The following MDH1 variants were observed in gnomAD, a reference collection of about 807,000 sequenced individuals.
MDH1 encodes the protein malate dehydrogenase 1, also known as malate dehydrogenase, cytoplasmic.
MDH1 carries 15 observed loss-of-function variants against 38.7 expected under a neutral mutation model. That is an observed-to-expected ratio of 0.39 (90% CI 0.26 to 0.60). The LOEUF (loss-of-function observed/expected upper bound fraction) is 0.60. Ranked by LOEUF, MDH1 falls within the 20% of genes least tolerant of loss-of-function variation. The probability of loss-of-function intolerance (pLI) is 0.56; values close to 1 mark genes in which losing one functional copy is unlikely to be tolerated. For missense variants in MDH1, 368 were observed against 405.2 expected (o/e 0.91, Z 0.79); for synonymous variants, 144 against 143.6 (o/e 1.00, Z -0.02).
Position 63,607,183 on chromosome 2 carries a change from T to C in MDH1, c.*196T>C, listed in dbSNP as rs1423620907. On this transcript the variant is annotated 3_prime_UTR_variant, in exon 9 of 9. Transcript: ENST00000233114. Reference sequence around the variant, plus strand: ...TGTTAGTGTGCATTCTAAATAAATATATATTCAAATGAAAGTGACTCAGAC... The same window carrying C: ...TGTTAGTGTGCATTCTAAATAAATACATATTCAAATGAAAGTGACTCAGAC... The C allele has an allele frequency of 1.4e-5, 5 of 357,530 alleles. No homozygotes were observed. The highest frequency in any genetic ancestry group is 9.3e-5 in the Admixed American group (2 of 21,502). The allele number at this position is 357,530 out of a possible 1,614,324, so 22.1% of individuals were successfully genotyped here. A position where few individuals can be genotyped will look rare whatever the true frequency, so the allele number is the denominator to read the frequency against.
At chr2:63,602,579 T>C (rs563305349) in intron 5 of MDH1, among the ~76,000 whole-genome samples, 1 of 152,260 alleles carries the variant, frequency 6.6e-6, no homozygotes, top group East Asian at 1.9e-4. Context: ...TCTTTATGAA[T>C]GATTCTATGA....
At chr2:63,594,740 G>T in intron 2 of MDH1, 154 bp downstream of exon 2, 1 of 583,080 alleles carries the variant, frequency 1.7e-6, no homozygotes, top group Non-Finnish European at 3.0e-6. Context: ...AGCTACTAAG[G>T]TATTTATATG....
chr2:63,596,707 T>C (rs1709318638), intron 3 of MDH1, among the ~76,000 whole-genome samples: 1 of 152,226 alleles, frequency 6.6e-6, no homozygotes, highest in Admixed American at 6.5e-5. Context: ...AAATGCTGAA[T>C]GTTGGTCATA....
At chr2:63,593,507 G>A (rs1314549127) in intron 1 of MDH1, 6 of 468,752 alleles carry the variant, frequency 1.3e-5, no homozygotes, top group Admixed American at 2.4e-5. Context: ...AGAAGCCTTC[G>A]AGGCTATCCA....
chr2:63,590,902 G>A (rs1347166409), intron 1 of MDH1: 1 of 152,250 alleles, frequency 6.6e-6, no homozygotes, highest in Non-Finnish European at 1.5e-5. Context: ...ATTCAAAGCG[G>A]AGGATTCTTT....
At chr2:63,590,993 G>C (rs1361887696) in intron 1 of MDH1, 1 of 152,168 alleles carries the variant, frequency 6.6e-6, no homozygotes, top group African/African-American at 2.4e-5. Flanking sequence ...TTGTGTTATA[G>C]AAATACATGT....
chr2:63,602,447 T>TTGA (rs1410633160), intron 5 of MDH1, among the ~76,000 whole-genome samples: 1 of 149,174 alleles, frequency 6.7e-6, no homozygotes, highest in Non-Finnish European at 1.5e-5. Flanking sequence ...CCATCACCCA[T>TTGA]TGATGGTACC....
Position 63,607,049 on chromosome 2 carries a change from A to T in MDH1, c.*62A>T. Reference sequence around the variant, plus strand: ...GAATCTAAATGTCGTCTTTGACTCAAGTACCAAATAATAATAATGCTATAC... The same window carrying T: ...GAATCTAAATGTCGTCTTTGACTCATGTACCAAATAATAATAATGCTATAC... On this transcript the variant is annotated 3_prime_UTR_variant, in exon 9 of 9. Coordinates refer to ENST00000233114, the MANE Select transcript of MDH1 (RefSeq NM_005917.4). 6.8e-7 allele frequency: 1 copy of T among 1,468,344 alleles called. No homozygotes were observed. The highest frequency in any genetic ancestry group is 9.2e-7 in the Non-Finnish European group (1 of 1,081,604). The allele number at this position is 1,468,344 out of a possible 1,614,324, so 91.0% of individuals were successfully genotyped here.
In MDH1 at chr2:63,597,409, A is replaced by G. The variant is rs745335809; in HGVS notation, c.210A>G (p.Ala70=). 7.0e-7 allele frequency: 1 copy of G among 1,434,212 alleles called. No homozygotes were observed. The highest frequency in any genetic ancestry group is 2.6e-5 in the East Asian group (1 of 38,518). 88.8% of individuals were successfully genotyped at this position (1,434,212 alleles called of 1,614,324 possible). A position where few individuals can be genotyped will look rare whatever the true frequency, so the allele number is the denominator to read the frequency against. Residue 70 remains alanine (A), a synonymous_variant, in exon 4 of 9, where the codon GCA becomes GCG. Coordinates refer to ENST00000233114, the MANE Select transcript of MDH1 (RefSeq NM_005917.4). ...CALPLLKDVI[A]TDKEDVAFKD... ...TTGCCATGTCCACAGATGTCATCGC[A>G]ACAGATAAAGAAGACGTTGCCTTCA...
intron 2 of MDH1, among the ~76,000 whole-genome samples, 192 bp from the exon 3 acceptor site, chr2:63,595,231 A>G (rs1709284185): frequency 6.6e-6 from 1 of 152,138 alleles, no homozygotes; most frequent in Admixed American, 6.5e-5. Context: ...TAGCAAACCA[A>G]TGCTGGTTTT....
intron 3 of MDH1, among the ~76,000 whole-genome samples, chr2:63,596,512 G>C (rs1709314877): frequency 6.6e-6 from 1 of 152,196 alleles, no homozygotes; most frequent in Admixed American, 6.5e-5. Context: ...AAAGGGCCCA[G>C]ATTGCTGTTG....
intron 3 of MDH1, among the ~76,000 whole-genome samples, chr2:63,596,617 C>G (rs1709316382): frequency 6.6e-6 from 1 of 152,086 alleles, no homozygotes; most frequent in Non-Finnish European, 1.5e-5. Flanking sequence ...TTTTTTTTCT[C>G]CAACTGGTGT....
intron 2 of MDH1, 144 bp downstream of exon 2, chr2:63,594,730 A>T: frequency 4.8e-6 from 3 of 624,304 alleles, no homozygotes; most frequent in Non-Finnish European, 8.3e-6. Flanking sequence ...TATAAATGGA[A>T]GCTACTAAGG....
chr2:63,603,659 T>C (rs996151218), intron 5 of MDH1, among the ~76,000 whole-genome samples: 1 of 146,666 alleles, frequency 6.8e-6, no homozygotes, highest in Admixed American at 6.8e-5. Context: ...ACATTTCTTT[T>C]TTTTTTTTTT....
At chr2:63,595,576 GT>G in intron 3 of MDH1, 57 bp downstream of exon 3, 2 of 1,122,152 alleles carry the variant, frequency 1.8e-6, no homozygotes, top group Non-Finnish European at 2.7e-6. Flanking sequence ...CAAAATACAG[GT>G]TTTAGGTTTT....
chr2:63,598,732 G>A (rs1709363408), intron 4 of MDH1, among the ~76,000 whole-genome samples: 1 of 152,052 alleles, frequency 6.6e-6, no homozygotes, highest in African/African-American at 2.4e-5. Context: ...TAAAAGATTA[G>A]AAGATTGTTC....
At chr2:63,605,681 T>C (rs1464389717) in intron 7 of MDH1, 3 of 588,370 alleles carry the variant, frequency 5.1e-6, no homozygotes, top group Non-Finnish European at 9.0e-6. Context: ...AATTTTTTTC[T>C]TCTATGCCAC....
chr2:63,595,480 C>T lies in MDH1; in HGVS notation c.160C>T (p.Leu54=), dbSNP rs1164108776. 2 of 1,613,124 alleles carry T rather than the reference C, an allele frequency of 1.2e-6. No individual in the cohort carries two copies. Among genetic ancestry groups the T allele is most frequent in the Non-Finnish European group, 1.7e-6 (2 of 1,179,258 alleles). ...CATGATGGGTGTCCTGGACGGTGTC[C>T]TAATGGAACTGCAAGACTGTGCCCT... The part of the protein sequence containing the change: ...TPMMGVLDGV[L]MELQDCALPL... Residue 54 remains leucine (L), a synonymous_variant, in exon 3 of 9, where the codon CTA becomes TTA. Coordinates refer to ENST00000233114, the MANE Select transcript of MDH1 (RefSeq NM_005917.4).
rs370479356 is a variant in MDH1 at position 63,602,934 on chromosome 2, C to CTTTTTTTTTTTTTT, written c.499-1732_499-1719dup. 2.7e-4 allele frequency among the ~76,000 whole-genome samples: 36 copies of CTTTTTTTTTTTTTT among 131,592 alleles called. 3 individuals carry two copies. Among genetic ancestry groups the CTTTTTTTTTTTTTT allele is most frequent in the Non-Finnish European group, 4.4e-4 (26 of 59,592 alleles). The allele number at this position is 131,592 out of a possible 152,430, so 86.3% of individuals were successfully genotyped here. ...ACATAATACAGTTTATTTAACCGTT[C>CTTTTTTTTTTTTTT]TTTTTTTTTTTTTTTTTTTTTTTTT... On this transcript the variant is annotated intron_variant, in intron 5 of 8. Transcript: ENST00000233114.
Sources: gnomAD v4.1 joint callset for allele counts (sites outside exome capture counted in the v4.1 genomes callset) on GRCh38, gnomAD v4.1.1 for gene constraint, MANE v1.5 for transcripts, NCBI Gene and HGNC (gene_info 2026-07-23, HGNC 2026-07-21) for gene names.